The following NUPR1 variants were observed in gnomAD, a reference collection of about 807,000 sequenced individuals.
NUPR1 encodes the protein nuclear protein 1.
In NUPR1, 8 loss-of-function variants were observed where a neutral mutation model predicts 7.3. The observed-to-expected ratio is 1.09, with a 90% CI of 0.64 to 1.97. The LOEUF is 1.97. Among genes scored for constraint, NUPR1 ranks in the 30% most tolerant of loss-of-function variants. The pLI, the probability that NUPR1 is intolerant of heterozygous loss-of-function variation, is 0.00. For missense variants in NUPR1, 96 were observed against 111.7 expected, an observed-to-expected ratio of 0.86 and a Z score of 0.63; for synonymous variants, 39 against 44.5, an observed-to-expected ratio of 0.88 and a Z score of 0.49.
chr16:28,537,843 G>A (rs2046634657), intron 2 of NUPR1, among the ~76,000 whole-genome samples, 163 bp downstream of exon 2: 1 of 152,098 alleles, frequency 6.6e-6, no homozygotes. Flanking sequence ...TTCCCACTTT[G>A]CTCTGGCCAC....
chr16:28,538,249 G>C (rs766886559), intron 1 of NUPR1, 94 bp from the exon 2 acceptor site: 35 of 1,571,716 alleles, frequency 2.2e-5, no homozygotes, highest in Non-Finnish European at 2.9e-5. Flanking sequence ...TGTGGGGATG[G>C]GAAGAGCAGG....
chr16:28,535,571 C>CCTTCCTTCCTTTCTTTCTTTCTTTCTTT lies in NUPR1; in HGVS notation c.*2111_*2112insAAAGAAAGAAAGAAAGAAAGGAAGGAAG, dbSNP rs71140975. On this transcript the variant is annotated 3_prime_UTR_variant, in exon 3 of 3. Coordinates refer to ENST00000324873, the MANE Select transcript of NUPR1 (RefSeq NM_012385.3). ...TCTTTCTTTCTTTCTTTCCTTCCTT[C>CCTTCCTTCCTTTCTTTCTTTCTTTCTTT]CTTTCTTTCTTTCTTTCTTTCTTTC... 3 of 71,950 alleles carry CCTTCCTTCCTTTCTTTCTTTCTTTCTTT rather than the reference C, an allele frequency of 4.2e-5. No homozygotes were observed. Among genetic ancestry groups the CCTTCCTTCCTTTCTTTCTTTCTTTCTTT allele is most frequent in the East Asian group, 7.0e-4 (1 of 1,436 alleles). 4.5% of individuals were successfully genotyped at this position (71,950 alleles called of 1,614,324 possible).
chr16:28,538,315 C>A, intron 1 of NUPR1, 160 bp from the exon 2 acceptor site: 1 of 1,017,832 alleles, frequency 9.8e-7, no homozygotes, highest in South Asian at 1.5e-5. Flanking sequence ...TGTGTGAGGT[C>A]CCAGGCTGAG....
intron 1 of NUPR1, chr16:28,538,514 A>AC (rs1241483091): frequency 5.2e-6 from 3 of 578,704 alleles, no homozygotes; most frequent in African/African-American, 3.7e-5. Context: ...ACATAGTGAG[A>AC]CCCCATCTCA....
chr16:28,537,877 T>A, intron 2 of NUPR1, 129 bp downstream of exon 2: 1 of 745,890 alleles, frequency 1.3e-6, no homozygotes, highest in East Asian at 2.5e-5. Context: ...ATCAAACATA[T>A]GTCTCGTTTT....
rs2046608462 is a variant in NUPR1, at chr16:28,535,560, T to TTTCTTTCTTTCTTTCTTTCC, written c.*2122_*2123insGGAAAGAAAGAAAGAAAGAA. 1.6e-5 allele frequency: 1 copy of TTTCTTTCTTTCTTTCTTTCC among 64,284 alleles called. No individual in the cohort carries two copies. The highest frequency in any genetic ancestry group is 4.8e-5 in the African/African-American group (1 of 20,878). 4.0% of individuals were successfully genotyped at this position (64,284 alleles called of 1,614,324 possible). A position where few individuals can be genotyped will look rare whatever the true frequency, so the allele number is the denominator to read the frequency against. On this transcript the variant is annotated 3_prime_UTR_variant, in exon 3 of 3. Transcript: ENST00000324873. ...CTTTCTTTCCTTCTTTCTTTCTTTC[T>TTTCTTTCTTTCTTTCTTTCC]TTCCTTCCTTCCTTTCTTTCTTTCT...
Position 28,535,575 on chromosome 16 carries a change from T to TTCCTTC in NUPR1, c.*2107_*2108insGAAGGA, listed in dbSNP as rs1244240251. 2.0e-3 allele frequency: 82 copies of TTCCTTC among 41,390 alleles called. 1 individual carries two copies. The East Asian group carries it at 0.041, about 21-fold the overall frequency. The allele number at this position is 41,390 out of a possible 1,614,324, so 2.6% of individuals were successfully genotyped here. A position where few individuals can be genotyped will look rare whatever the true frequency, so the allele number is the denominator to read the frequency against. ...TCTTTCTTTCTTTCCTTCCTTCCTTTCTTTCTTTCTTTCTTTCTTTCTTTC... is the reference window on the plus strand; with the variant it reads ...TCTTTCTTTCTTTCCTTCCTTCCTTTTCCTTCCTTTCTTTCTTTCTTTCTTTCTTTC... On this transcript the variant is annotated 3_prime_UTR_variant, in exon 3 of 3. Coordinates refer to ENST00000324873, the MANE Select transcript of NUPR1 (RefSeq NM_012385.3).
In NUPR1 at chr16:28,534,615, T is replaced by C. The variant is rs1247814961; in HGVS notation, c.*3068A>G. ...GTTCCCTTTCATCATAAAACCCTGC[T>C]GTTGCCCAAGTTTTGGCTACCACGT... On this transcript the variant is annotated 3_prime_UTR_variant, in exon 3 of 3. Coordinates refer to ENST00000324873, the MANE Select transcript of NUPR1 (RefSeq NM_012385.3). 1 of 152,244 alleles carries C rather than the reference T, an allele frequency of 6.6e-6. No individual in the cohort carries two copies. The highest frequency in any genetic ancestry group is 2.1e-4 in the South Asian group (1 of 4,834). The allele number at this position is 152,244 out of a possible 1,614,324, so 9.4% of individuals were successfully genotyped here. A position where few individuals can be genotyped will look rare whatever the true frequency, so the allele number is the denominator to read the frequency against.
rs2046608707 is a variant in NUPR1 at position 28,535,561 on chromosome 16, TTCCTTCCTTC to T, written c.*2112_*2121del. The T allele has an allele frequency of 3.0e-5, 1 of 33,034 alleles. No individual in the cohort carries two copies. The highest frequency in any genetic ancestry group is 6.4e-4 in the East Asian group (1 of 1,570). 2.0% of individuals were successfully genotyped at this position (33,034 alleles called of 1,614,324 possible). On this transcript the variant is annotated 3_prime_UTR_variant, in exon 3 of 3. Transcript: ENST00000324873. Reference sequence around the variant, plus strand: ...TTTCTTTCCTTCTTTCTTTCTTTCTTTCCTTCCTTCCTTTCTTTCTTTCTTTCTTTCTTTC... The same window carrying T: ...TTTCTTTCCTTCTTTCTTTCTTTCTTCTTTCTTTCTTTCTTTCTTTCTTTC...
chr16:28,533,554 T>C lies in NUPR1; in HGVS notation c.*4129A>G, dbSNP rs2046594008. The stretch of plus-strand genomic sequence containing the variant: ...CACCTGGCTAATTTTTAATTTTTTG[T>C]AGAGAGAGGGTCTTGCTGTGTTGCT... On this transcript the variant is annotated 3_prime_UTR_variant, in exon 3 of 3. Transcript: ENST00000324873. The C allele has an allele frequency of 6.6e-6, 1 of 152,128 alleles. No individual in the cohort carries two copies. Among genetic ancestry groups the C allele is most frequent in the Non-Finnish European group, 1.5e-5 (1 of 68,130 alleles). 9.4% of individuals were successfully genotyped at this position (152,128 alleles called of 1,614,324 possible). A position where few individuals can be genotyped will look rare whatever the true frequency, so the allele number is the denominator to read the frequency against.
chr16:28,535,544 C>CTTTCTTTCTTTCTTTCTTTCTTTCCTTCT lies in NUPR1; in HGVS notation c.*2138_*2139insAGAAGGAAAGAAAGAAAGAAAGAAAGAAA, dbSNP rs1406601108. Reference sequence around the variant, plus strand: ...CTTTCTTTCTTTCTTTCTTTCTTTCCTTCTTTCTTTCTTTCTTTCCTTCCT... The same window carrying CTTTCTTTCTTTCTTTCTTTCTTTCCTTCT: ...CTTTCTTTCTTTCTTTCTTTCTTTCCTTTCTTTCTTTCTTTCTTTCTTTCCTTCTTTCTTTCTTTCTTTCTTTCCTTCCT... On this transcript the variant is annotated 3_prime_UTR_variant, in exon 3 of 3. Transcript: ENST00000324873. 6 of 58,122 alleles carry CTTTCTTTCTTTCTTTCTTTCTTTCCTTCT rather than the reference C, an allele frequency of 1.0e-4. No individual in the cohort carries two copies. The highest frequency in any genetic ancestry group is 2.1e-4 in the Admixed American group (1 of 4,812). The allele number at this position is 58,122 out of a possible 1,614,324, so 3.6% of individuals were successfully genotyped here.
rs1420677254 is a variant in NUPR1, at chr16:28,536,033, A to T, written c.*1650T>A. On this transcript the variant is annotated 3_prime_UTR_variant, in exon 3 of 3. Coordinates refer to ENST00000324873, the MANE Select transcript of NUPR1 (RefSeq NM_012385.3). ...CCAGGAGTTTGAGACCAGCCTGGCCAACATGATGAAACCCCATCTCTACTA... is the reference window on the plus strand; with the variant it reads ...CCAGGAGTTTGAGACCAGCCTGGCCTACATGATGAAACCCCATCTCTACTA... 1 of 152,142 alleles carries T rather than the reference A, an allele frequency of 6.6e-6. No individual in the cohort carries two copies. The highest frequency in any genetic ancestry group is 1.5e-5 in the Non-Finnish European group (1 of 68,064). 9.4% of individuals were successfully genotyped at this position (152,142 alleles called of 1,614,324 possible).
chr16:28,535,584 C>CTTTTCTTTCTTTCT lies in NUPR1; in HGVS notation c.*2098_*2099insAGAAAGAAAGAAAA, dbSNP rs1429259826. 1.6e-3 allele frequency: 58 copies of CTTTTCTTTCTTTCT among 35,872 alleles called. No homozygotes were observed. The highest frequency in any genetic ancestry group is 0.014 in the South Asian group (12 of 858). 2.2% of individuals were successfully genotyped at this position (35,872 alleles called of 1,614,324 possible). The stretch of plus-strand genomic sequence containing the variant: ...CTTTCCTTCCTTCCTTTCTTTCTTT[C>CTTTTCTTTCTTTCT]TTTCTTTCTTTCTTTCTTTCTTTCT... On this transcript the variant is annotated 3_prime_UTR_variant, in exon 3 of 3. Coordinates refer to ENST00000324873, the MANE Select transcript of NUPR1 (RefSeq NM_012385.3).
rs889328751 is a variant in NUPR1 at position 28,534,708 on chromosome 16, C to G, written c.*2975G>C. On this transcript the variant is annotated 3_prime_UTR_variant, in exon 3 of 3. Transcript: ENST00000324873. The stretch of plus-strand genomic sequence containing the variant: ...TTGGGTGTGGCCATGTAGCCACATT[C>G]GGAGCAGATGTGATGTGTTCTACTT... The G allele has an allele frequency of 3.3e-5, 5 of 152,164 alleles. No individual in the cohort carries two copies. In the East Asian group the frequency reaches 9.6e-4, roughly 29 times the overall value. The allele number at this position is 152,164 out of a possible 1,614,324, so 9.4% of individuals were successfully genotyped here.
rs139583704 is a variant in NUPR1, at chr16:28,538,036, G to A, written c.232C>T (p.Arg78Ter). Reference protein sequence around the residue: ...TKLQNSERKKRGARR With the variant: ...TKLQNSERKK ...GCTCTGTCTCAGCGCCGTGCCCCTCGCTTCTTCCTCTCTGAATTCTGCAGC... is the reference window on the plus strand; with the variant it reads ...GCTCTGTCTCAGCGCCGTGCCCCTCACTTCTTCCTCTCTGAATTCTGCAGC... Residue 78 changes from arginine to a stop codon, truncating the protein, a stop_gained, in exon 2 of 3, where the codon CGA (arginine) becomes TGA (stop). Coordinates refer to ENST00000324873, the MANE Select transcript of NUPR1 (RefSeq NM_012385.3). LOFTEE classifies it high-confidence loss of function. 1.7e-4 allele frequency: 281 copies of A among 1,613,656 alleles called. 1 individual carries two copies. The highest frequency in any genetic ancestry group is 2.3e-4 in the Non-Finnish European group (271 of 1,179,836).
In NUPR1 at chr16:28,535,315, TTC is replaced by T. The variant is rs375089555; in HGVS notation, c.*2366_*2367del. ...TTTCTTTCCCTCCTTCTCTCTTTCT[TTC>T]TCTCTCTTTTTCTTTTTTTGAGATG... On this transcript the variant is annotated 3_prime_UTR_variant, in exon 3 of 3. Transcript: ENST00000324873. 1,328 of 152,180 alleles carry T rather than the reference TTC, an allele frequency of 8.7e-3. 7 individuals are homozygous for T. Among genetic ancestry groups the T allele is most frequent in the South Asian group, 0.013 (64 of 4,814 alleles). The allele number at this position is 152,180 out of a possible 1,614,324, so 9.4% of individuals were successfully genotyped here.
chr16:28,536,060 A>G lies in NUPR1; in HGVS notation c.*1623T>C, dbSNP rs1184434309. On this transcript the variant is annotated 3_prime_UTR_variant, in exon 3 of 3. Coordinates refer to ENST00000324873, the MANE Select transcript of NUPR1 (RefSeq NM_012385.3). ...CATGATGAAACCCCATCTCTACTAA[A>G]AATACAAAAATTGGCCAGGCGTGGT... is the stretch of plus-strand genomic sequence containing the variant. The G allele has an allele frequency of 6.6e-6, 1 of 152,256 alleles. No individual in the cohort carries two copies. 9.4% of individuals were successfully genotyped at this position (152,256 alleles called of 1,614,324 possible). A position where few individuals can be genotyped will look rare whatever the true frequency, so the allele number is the denominator to read the frequency against.
At position 28,535,528 on chromosome 16, in the gene NUPR1, TTTC is replaced by T. The variant is rs2046606067; in HGVS notation, c.*2152_*2154del. 1 of 73,844 alleles carries T rather than the reference TTTC, an allele frequency of 1.4e-5. No homozygotes were observed. Among genetic ancestry groups the T allele is most frequent in the African/African-American group, 4.6e-5 (1 of 21,700 alleles). 4.6% of individuals were successfully genotyped at this position (73,844 alleles called of 1,614,324 possible). On this transcript the variant is annotated 3_prime_UTR_variant, in exon 3 of 3. Coordinates refer to ENST00000324873, the MANE Select transcript of NUPR1 (RefSeq NM_012385.3). The stretch of plus-strand genomic sequence containing the variant: ...TTTTCTTTCTTTCTTTCTTTCTTTC[TTTC>T]TTTCTTTCTTTCCTTCTTTCTTTCT...
rs1386894490 is a variant in NUPR1 at position 28,538,891 on chromosome 16, G to A, written c.17C>T (p.Pro6Leu). 2 of 1,612,804 alleles carry A rather than the reference G, an allele frequency of 1.2e-6. No individual in the cohort carries two copies. The highest frequency in any genetic ancestry group is 1.3e-5 in the African/African-American group (1 of 74,842). MATFP[P>L]ATSAPQQPPG... The stretch of plus-strand genomic sequence containing the variant: ...GGGCTGCTGGGGGGCGCTGGTTGCT[G>A]GTGGGAAGGTGGCCATCGTGCCTGG... Residue 6 changes from proline (P) to leucine (L), a missense_variant, in exon 1 of 3, where the codon CCA (proline) becomes CTA (leucine). Transcript: ENST00000324873.
Sources: gnomAD v4.1 joint callset for allele counts (sites outside exome capture counted in the v4.1 genomes callset) on GRCh38, gnomAD v4.1.1 for gene constraint, MANE v1.5 for transcripts, NCBI Gene and HGNC (gene_info 2026-07-23, HGNC 2026-07-21) for gene names.